Variants in AVL9 observed in about 807,000 individuals in gnomAD.
AVL9 encodes AVL9 cell migration associated.
A neutral mutation model predicts 79.2 loss-of-function variants in AVL9; 49 were observed. The ratio of observed to expected loss-of-function variants is 0.62; its 90% confidence interval spans 0.49 to 0.79. AVL9 has a LOEUF of 0.79. Ranked by LOEUF, AVL9 falls within the 30% of genes least tolerant of loss-of-function variation. AVL9 has a pLI of 0.00. For missense variants in AVL9, 682 were observed against 776.8 expected (o/e 0.88, Z 1.45); for synonymous variants, 299 against 280.6 (o/e 1.07, Z -0.65).
chr7:32,503,361 GATATATATAT>G (rs367803456), intron 1 of AVL9, among the ~76,000 whole-genome samples: 8 of 121,498 alleles, frequency 6.6e-5, no homozygotes, highest in African/African-American at 2.5e-4. Context: ...GATATAGAGA[GATATATATAT>G]ATACACACAC....
chr7:32,579,148 ACTTT>A (rs1176932457), intron 13 of AVL9, among the ~76,000 whole-genome samples: 1 of 149,598 alleles, frequency 6.7e-6, no homozygotes, highest in African/African-American at 2.5e-5. Flanking sequence ...TACTAGGGTC[ACTTT>A]CTTTGTTAGA....
At chr7:32,580,014 A>G (rs1250396639) in intron 13 of AVL9, among the ~76,000 whole-genome samples, 1 of 152,080 alleles carries the variant, frequency 6.6e-6, no homozygotes, top group Admixed American at 6.6e-5. Context: ...AGGAAACTAA[A>G]GCTCAGAGGG....
At chr7:32,575,445 A>C (rs1382429004) in intron 12 of AVL9, among the ~76,000 whole-genome samples, 1 of 152,216 alleles carries the variant, frequency 6.6e-6, no homozygotes, top group Admixed American at 6.5e-5. Flanking sequence ...TTCAAGAATG[A>C]AACACCAAAT....
intron 11 of AVL9, among the ~76,000 whole-genome samples, chr7:32,572,076 C>T (rs1323039936): frequency 2.7e-5 from 4 of 148,654 alleles, no homozygotes; most frequent in Non-Finnish European, 5.9e-5. Context: ...GCAGGAGAAT[C>T]GCTTGAACCC....
intron 1 of AVL9, among the ~76,000 whole-genome samples, chr7:32,523,589 C>T (rs751011350): frequency 2.2e-5 from 3 of 137,076 alleles, no homozygotes; most frequent in Middle Eastern, 4.3e-3. Context: ...AGTCTTGGCT[C>T]ACTGCAGCCT....
At chr7:32,526,287 G>A (rs1420412395) in intron 1 of AVL9, among the ~76,000 whole-genome samples, 2 of 152,096 alleles carry the variant, frequency 1.3e-5, no homozygotes, top group African/African-American at 4.8e-5. Flanking sequence ...TGCTGTTTTG[G>A]GAAAATGGCA....
At chr7:32,573,507 T>C in intron 12 of AVL9, 89 bp downstream of exon 12, 1 of 1,152,968 alleles carries the variant, frequency 8.7e-7, no homozygotes, top group Non-Finnish European at 1.2e-6. Context: ...GCACAATAAA[T>C]ACATATTCCT....
Position 32,570,156 on chromosome 7 carries a change from T to TA in AVL9, c.1350+3dup, listed in dbSNP as rs1562795467. ...CACCTCAGTGATGCCATTGTGGAAG[T>TA]ACGTTTATGTGTGAGTGTGTGTATT... On this transcript the variant is annotated splice_region_variant and intron_variant, in intron 11 of 15. Coordinates refer to ENST00000318709, the MANE Select transcript of AVL9 (RefSeq NM_015060.3). The TA allele has an allele frequency of 6.2e-7, 1 of 1,614,210 alleles. No homozygotes were observed. Among genetic ancestry groups the TA allele is most frequent in the Non-Finnish European group, 8.5e-7 (1 of 1,180,020 alleles).
At chr7:32,511,619 C>G (rs1787677106) in intron 1 of AVL9, among the ~76,000 whole-genome samples, 1 of 151,916 alleles carries the variant, frequency 6.6e-6, no homozygotes. Flanking sequence ...CGGTGGCATA[C>G]GGACGCTCTG....
At chr7:32,577,261 C>T (rs1024685686) in intron 13 of AVL9, among the ~76,000 whole-genome samples, 8 of 152,194 alleles carry the variant, frequency 5.3e-5, no homozygotes, top group East Asian at 1.9e-4. Context: ...CTTGAACCCA[C>T]GGTTTCGAGG....
At chr7:32,540,871 C>A (rs1410645751) in intron 1 of AVL9, among the ~76,000 whole-genome samples, 1 of 72,468 alleles carries the variant, frequency 1.4e-5, no homozygotes, top group Non-Finnish European at 2.6e-5. Flanking sequence ...TGTTGTACTA[C>A]TTTTTTTTTT....
chr7:32,526,582 C>T (rs943378455), intron 1 of AVL9, among the ~76,000 whole-genome samples: 3 of 152,124 alleles, frequency 2.0e-5, no homozygotes, highest in Admixed American at 2.0e-4. Flanking sequence ...TCCTGGGTTC[C>T]CTTCCCCTAA....
rs1486895843 is a variant in AVL9, at chr7:32,549,864, G to A, written c.372+946G>A. On this transcript the variant is annotated intron_variant, in intron 4 of 15. Coordinates refer to ENST00000318709, the MANE Select transcript of AVL9 (RefSeq NM_015060.3). ...GAACCCAGGAGGTGGAGGTTGCAGT[G>A]AGCAGAGATCAGCCACTGCACTCCA... Among the ~76,000 whole-genome samples the A allele has an allele frequency of 2.6e-4, 39 of 147,250 alleles. 1 individual carries two copies. In the Admixed American group the frequency reaches 2.7e-3, roughly 10 times the overall value.
intron 12 of AVL9, among the ~76,000 whole-genome samples, chr7:32,574,096 T>C (rs916826199): frequency 9.9e-5 from 15 of 152,230 alleles, no homozygotes; most frequent in African/African-American, 2.4e-4. Context: ...TGAGCTTGTG[T>C]TTTTGTTTCA....
chr7:32,517,397 C>T (rs1335441063), intron 1 of AVL9, among the ~76,000 whole-genome samples: 2 of 151,820 alleles, frequency 1.3e-5, no homozygotes, highest in Admixed American at 1.3e-4. Context: ...ACTCTGTCGC[C>T]TGAGTTCAAG....
chr7:32,497,694 C>T (rs915339792), intron 1 of AVL9, among the ~76,000 whole-genome samples: 1 of 148,730 alleles, frequency 6.7e-6, no homozygotes, highest in African/African-American at 2.5e-5. Flanking sequence ...CTCACTCTCT[C>T]ACCCAGGCTG....
At chr7:32,576,523 C>T (rs1251618766) in intron 13 of AVL9, among the ~76,000 whole-genome samples, 1 of 152,174 alleles carries the variant, frequency 6.6e-6, no homozygotes, top group Admixed American at 6.5e-5. Flanking sequence ...TGGGCTCATG[C>T]CTGTAATCCC....
intron 3 of AVL9, among the ~76,000 whole-genome samples, chr7:32,545,509 C>G (rs959469529): frequency 5.3e-5 from 8 of 150,966 alleles, no homozygotes; most frequent in African/African-American, 1.9e-4. Context: ...AGCTGGGATA[C>G]AGGTGTGTGC....
intron 11 of AVL9, among the ~76,000 whole-genome samples, chr7:32,571,963 ACCATCCTGGCTAACATGGTGAAATC>A (rs1790866445): frequency 6.6e-6 from 1 of 152,118 alleles, no homozygotes; most frequent in Non-Finnish European, 1.5e-5. Flanking sequence ...AGACATCGAG[ACCATCCTGGCTAACATGGTGAAATC>A]CCATCTCTAC....
Sources: allele counts gnomAD v4.1 joint callset (sites outside exome capture counted in the v4.1 genomes callset), GRCh38; gene constraint gnomAD v4.1.1; transcripts MANE v1.5; gene names NCBI Gene and HGNC (gene_info 2026-07-23, HGNC 2026-07-21).